The following WWOX variants were observed in gnomAD, a reference collection of about 807,000 sequenced individuals.
WWOX encodes the protein WW domain-containing oxidoreductase.
Under a neutral mutation model 46.2 loss-of-function variants are expected in WWOX, and 69 were observed. That is an observed-to-expected ratio of 1.49 (90% CI 1.23 to 1.82). The LOEUF (loss-of-function observed/expected upper bound fraction) is 1.82, where lower values mean the gene tolerates loss of function less well. Ranked by LOEUF, WWOX falls within the 40% of genes most tolerant of loss-of-function variation. The pLI, the probability that WWOX is intolerant of heterozygous loss-of-function variation, is 0.00. For synonymous variants in WWOX, 359 were observed against 202.6 expected (o/e 1.77, Z -6.56); for missense variants, 919 against 542.6 (o/e 1.69, Z -6.89).
chr16:79,011,075 A>G (rs1024089988), intron 8 of WWOX, among the ~76,000 whole-genome samples: 3 of 151,996 alleles, frequency 2.0e-5, no homozygotes, highest in African/African-American at 7.3e-5. Flanking sequence ...ATACCTTTAT[A>G]TATGTGACAT....
intron 8 of WWOX, among the ~76,000 whole-genome samples, chr16:78,440,392 C>T (rs2083417679): frequency 6.6e-6 from 1 of 152,106 alleles, no homozygotes; most frequent in African/African-American, 2.4e-5. Flanking sequence ...TTCTACCCAT[C>T]CTGCAAAACT....
intron 8 of WWOX, among the ~76,000 whole-genome samples, chr16:78,875,841 G>A (rs548070967): frequency 7.9e-5 from 12 of 152,248 alleles, no homozygotes; most frequent in African/African-American, 2.2e-4. Flanking sequence ...CATCTCATTC[G>A]TTTTTTAAAA....
intron 5 of WWOX, among the ~76,000 whole-genome samples, chr16:78,356,515 A>C (rs1343644400): frequency 6.6e-6 from 1 of 152,146 alleles, no homozygotes; most frequent in Non-Finnish European, 1.5e-5. Context: ...CCTCATCTCC[A>C]GTGCTCTGAA....
chr16:78,214,717 A>G (rs1205888296), intron 5 of WWOX, among the ~76,000 whole-genome samples: 1 of 152,138 alleles, frequency 6.6e-6, no homozygotes, highest in Non-Finnish European at 1.5e-5. Flanking sequence ...CGCTCCATTC[A>G]GTTTGACCCT....
chr16:78,699,037 T>C (rs778979359), intron 8 of WWOX, among the ~76,000 whole-genome samples: 1 of 152,216 alleles, frequency 6.6e-6, no homozygotes, highest in Non-Finnish European at 1.5e-5. Flanking sequence ...AGATAGTGTT[T>C]CTAGCTTTGC....
At chr16:78,573,025 C>T (rs896114021) in intron 8 of WWOX, among the ~76,000 whole-genome samples, 5 of 152,212 alleles carry the variant, frequency 3.3e-5, no homozygotes, top group East Asian at 1.9e-4. Flanking sequence ...CGGTGGCTCA[C>T]GCCTGTAATC....
At chr16:79,142,172 A>T (rs2050102566) in intron 8 of WWOX, among the ~76,000 whole-genome samples, 1 of 152,128 alleles carries the variant, frequency 6.6e-6, no homozygotes, top group African/African-American at 2.4e-5. Flanking sequence ...CACAGTGTAG[A>T]TATTCCAGGG....
intron 5 of WWOX, among the ~76,000 whole-genome samples, chr16:78,361,952 G>T (rs905392085): frequency 6.9e-6 from 1 of 144,132 alleles, no homozygotes; most frequent in Admixed American, 7.0e-5. Flanking sequence ...TTATATTAGC[G>T]TAGATTCACA....
chr16:78,513,158 A>T (rs561472317), intron 8 of WWOX, among the ~76,000 whole-genome samples: 1 of 152,230 alleles, frequency 6.6e-6, no homozygotes, highest in South Asian at 2.1e-4. Flanking sequence ...TGATGATAGC[A>T]TTAAAACAAA....
intron 8 of WWOX, among the ~76,000 whole-genome samples, chr16:78,460,978 A>AC (rs77675461): frequency 0.13 from 19,699 of 152,244 alleles, 1,324 homozygotes; most frequent in Non-Finnish European, 0.15. Context: ...AGTTCTTGCC[A>AC]CAGGTAGAAG....
intron 8 of WWOX, among the ~76,000 whole-genome samples, chr16:79,055,322 A>G (rs540736099): frequency 2.0e-4 from 31 of 152,324 alleles, no homozygotes; most frequent in African/African-American, 7.2e-4. Flanking sequence ...TTTTCTACTC[A>G]TCTCATTGAG....
chr16:78,321,012 A>G (rs1010039375), intron 5 of WWOX, among the ~76,000 whole-genome samples: 5 of 152,246 alleles, frequency 3.3e-5, no homozygotes, highest in African/African-American at 1.2e-4. Context: ...TAATGTACTC[A>G]CACCTTAACC....
chr16:78,795,761 G>A (rs1418058596), intron 8 of WWOX, among the ~76,000 whole-genome samples: 1 of 151,986 alleles, frequency 6.6e-6, no homozygotes, highest in East Asian at 1.9e-4. Flanking sequence ...CTGTAAATGG[G>A]GACAATACTG....
chr16:78,362,020 A>G (rs1231723887), intron 5 of WWOX, among the ~76,000 whole-genome samples: 1 of 144,874 alleles, frequency 6.9e-6, no homozygotes, highest in Non-Finnish European at 1.5e-5. Context: ...TGTTGCTGAA[A>G]CCATTCCAGC....
At chr16:78,949,285 C>T (rs187701806) in intron 8 of WWOX, among the ~76,000 whole-genome samples, 125 of 152,272 alleles carry the variant, frequency 8.2e-4, no homozygotes, top group Non-Finnish European at 1.2e-3. Context: ...CAACCCACAG[C>T]AACTGTGCCG....
chr16:78,822,811 G>T (rs947473281), intron 8 of WWOX, among the ~76,000 whole-genome samples: 3 of 152,028 alleles, frequency 2.0e-5, no homozygotes, highest in African/African-American at 7.2e-5. Flanking sequence ...CTTCAAGAAT[G>T]CTATCAAATT....
At chr16:78,999,297 C>T (rs1323123700) in intron 8 of WWOX, among the ~76,000 whole-genome samples, 1 of 151,966 alleles carries the variant, frequency 6.6e-6, no homozygotes, top group African/African-American at 2.4e-5. Context: ...ATGGAGAAAC[C>T]CCGTCTCTAC....
intron 8 of WWOX, among the ~76,000 whole-genome samples, chr16:78,826,545 C>T (rs1004696675): frequency 1.3e-5 from 2 of 152,198 alleles, no homozygotes; most frequent in African/African-American, 2.4e-5. Flanking sequence ...GCCTTCTCCT[C>T]TTCTCCTGTG....
intron 8 of WWOX, among the ~76,000 whole-genome samples, chr16:78,864,345 C>A (rs961277185): frequency 6.6e-6 from 1 of 151,668 alleles, no homozygotes; most frequent in Non-Finnish European, 1.5e-5. Context: ...TGGTTCACTG[C>A]AGCCTCGATC....
Sources: gnomAD v4.1 joint callset for allele counts (sites outside exome capture counted in the v4.1 genomes callset) on GRCh38, gnomAD v4.1.1 for gene constraint, MANE v1.5 for transcripts, NCBI Gene and HGNC (gene_info 2026-07-23, HGNC 2026-07-21) for gene names.